Variants in GALNT3 observed in about 807,000 individuals in gnomAD.
GALNT3 encodes the protein polypeptide N-acetylgalactosaminyltransferase 3, also known as GalNAc transferase 3.
A neutral mutation model predicts 69.8 loss-of-function variants in GALNT3; 51 were observed. The observed-to-expected ratio is 0.73, with a 90% CI of 0.58 to 0.92. The LOEUF is 0.92. Ranked by LOEUF, GALNT3 falls within the 40% of genes least tolerant of loss-of-function variation. GALNT3 has a pLI of 0.00. For missense variants in GALNT3, 711 were observed against 760.0 expected (o/e 0.94, Z 0.76); for synonymous variants, 265 against 248.5 (o/e 1.07, Z -0.63).
At chr2:165,762,968 CTTTT>C (rs3032482) in intron 3 of GALNT3, among the ~76,000 whole-genome samples, 6 of 141,060 alleles carry the variant, frequency 4.3e-5, no homozygotes, top group Admixed American at 7.1e-5. Context: ...CTTTTCTTTT[CTTTT>C]TTTTTTTTTT....
In GALNT3 at chr2:165,747,844, G is replaced by A. The variant is rs886055009; in HGVS notation, c.*937C>T. ...GATTTTTTATTGTGTTTTCCACATAGATAAAAAAATAAGGCTTTTTGATGA... is the reference window on the plus strand; with the variant it reads ...GATTTTTTATTGTGTTTTCCACATAAATAAAAAAATAAGGCTTTTTGATGA... On this transcript the variant is annotated 3_prime_UTR_variant, in exon 11 of 11. Transcript: ENST00000392701. 1 of 170,318 alleles carries A rather than the reference G, an allele frequency of 5.9e-6. No homozygotes were observed. 10.6% of individuals were successfully genotyped at this position (170,318 alleles called of 1,614,324 possible). A position where few individuals can be genotyped will look rare whatever the true frequency, so the allele number is the denominator to read the frequency against.
chr2:165,767,573 A>G (rs1224208896), intron 2 of GALNT3, among the ~76,000 whole-genome samples: 1 of 152,236 alleles, frequency 6.6e-6, no homozygotes, highest in Non-Finnish European at 1.5e-5. Flanking sequence ...AAATTTCACA[A>G]TATAATTTCA....
intron 1 of GALNT3, chr2:165,771,484 T>C (rs1255930228): frequency 6.6e-6 from 1 of 152,214 alleles, no homozygotes; most frequent in Admixed American, 6.5e-5. Flanking sequence ...AGAGAATTCA[T>C]TAGCTTTACT....
At chr2:165,788,578 C>A (rs551262780) in intron 1 of GALNT3, among the ~76,000 whole-genome samples, 13 of 151,344 alleles carry the variant, frequency 8.6e-5, no homozygotes, top group Non-Finnish European at 1.6e-4. Context: ...CACAGGACAC[C>A]TCACCCTGCT....
In GALNT3 at chr2:165,754,690, T is replaced by A; in HGVS notation, c.1563A>T (p.Gly521=). ...ATGGTTTGCCTCCTTGATTGTTTTC[T>A]CCAACATCCAGACATAGAGGCTGAC... ...SVGQPLCLDV[G]ENNQGGKPLI... is the part of the protein sequence containing the mutation. The change falls in exon 9 of 11, where the codon GGA becomes GGT. Residue 521 remains glycine (G), a synonymous_variant. Coordinates refer to ENST00000392701, the MANE Select transcript of GALNT3 (RefSeq NM_004482.4). The A allele has an allele frequency of 6.2e-7, 1 of 1,613,628 alleles. No individual in the cohort carries two copies. The highest frequency in any genetic ancestry group is 8.5e-7 in the Non-Finnish European group (1 of 1,179,784).
chr2:165,748,892 T>C lies in GALNT3; in HGVS notation c.1791A>G (p.Leu597=). 6.2e-7 allele frequency: 1 copy of C among 1,609,968 alleles called. No individual in the cohort carries two copies. Among genetic ancestry groups the C allele is most frequent in the Non-Finnish European group, 8.5e-7 (1 of 1,177,260 alleles). The part of the protein sequence containing the change: ...QIWEIQKDQL[L]YNPFLKMCLS... ...GGCACATTTTTAAGAATGGATTGTA[T>C]AGAAGTTGATCCTAGAATAAAAGGA... The change falls in exon 11 of 11, where the codon CTA becomes CTG. Residue 597 remains leucine, a synonymous_variant. Transcript: ENST00000392701.
intron 1 of GALNT3, among the ~76,000 whole-genome samples, chr2:165,782,387 A>G (rs547340844): frequency 0.062 from 797 of 12,778 alleles, 7 homozygotes; most frequent in African/African-American, 0.11. Context: ...GAAAAAAAAG[A>G]ATTACAAAAA....
At chr2:165,787,309 C>T (rs1332799970) in intron 1 of GALNT3, among the ~76,000 whole-genome samples, 1 of 152,132 alleles carries the variant, frequency 6.6e-6, no homozygotes, top group African/African-American at 2.4e-5. Flanking sequence ...GCAGAAGGAA[C>T]AGAGCAATAT....
intron 1 of GALNT3, among the ~76,000 whole-genome samples, chr2:165,779,878 C>T (rs1683065885): frequency 6.6e-6 from 1 of 152,188 alleles, no homozygotes; most frequent in African/African-American, 2.4e-5. Flanking sequence ...TCACCATGCC[C>T]TTAAGCATTC....
intron 2 of GALNT3, among the ~76,000 whole-genome samples, chr2:165,768,327 C>T (rs1228162031): frequency 6.6e-6 from 1 of 152,124 alleles, no homozygotes; most frequent in Non-Finnish European, 1.5e-5. Flanking sequence ...GAAAAAAGCT[C>T]ATTTTGAGCT....
chr2:165,782,773 A>G (rs1683139788), intron 1 of GALNT3, among the ~76,000 whole-genome samples: 1 of 152,266 alleles, frequency 6.6e-6, no homozygotes, highest in South Asian at 2.1e-4. Flanking sequence ...TCTCTGGTAA[A>G]TGGCTACAGG....
At chr2:165,789,415 A>G (rs1010036790) in intron 1 of GALNT3, among the ~76,000 whole-genome samples, 1 of 152,164 alleles carries the variant, frequency 6.6e-6, no homozygotes, top group Non-Finnish European at 1.5e-5. Context: ...ATACCAATAC[A>G]TTGGATTTGA....
Position 165,749,882 on chromosome 2 carries a change from A to G in GALNT3, c.1639T>C (p.Ser547Pro), listed in dbSNP as rs1688326137. Residue 547 changes from serine (S) to proline (P), a missense_variant, in exon 10 of 11, where the codon TCT becomes CCT. Ser to Pro is a moderately conservative substitution (Grantham distance 74). Transcript: ENST00000392701. ...TTGTGCCGAATTTCATGTTGAGCAGAGTATTCAAAGTACTATGGAAGGAAT... is the reference window on the plus strand; with the variant it reads ...TTGTGCCGAATTTCATGTTGAGCAGGGTATTCAAAGTACTATGGAAGGAAT... ...GLGGNQYFEY[S>P]AQHEIRHNIQ... is the part of the protein sequence containing the mutation. The G allele has an allele frequency of 6.2e-7, 1 of 1,613,546 alleles. No individual in the cohort carries two copies. Among genetic ancestry groups the G allele is most frequent in the Non-Finnish European group, 8.5e-7 (1 of 1,179,542 alleles).
At chr2:165,768,228 A>G (rs182087877) in intron 2 of GALNT3, among the ~76,000 whole-genome samples, 292 of 152,280 alleles carry the variant, frequency 1.9e-3, no homozygotes, top group African/African-American at 6.8e-3. Flanking sequence ...TCCAACCAAA[A>G]AATGTTGTTA....
intron 1 of GALNT3, among the ~76,000 whole-genome samples, chr2:165,778,528 T>A (rs1398647708): frequency 5.9e-5 from 9 of 151,796 alleles, no homozygotes. Flanking sequence ...AATACAGGAG[T>A]TGTAAATACA....
chr2:165,762,552 G>C (rs980237909), intron 3 of GALNT3, among the ~76,000 whole-genome samples: 2 of 152,140 alleles, frequency 1.3e-5, no homozygotes, highest in Non-Finnish European at 2.9e-5. Context: ...GTTGAGCCAC[G>C]TCAGAAAGTC....
At position 165,759,404 on chromosome 2, in the gene GALNT3, A is replaced by C; in HGVS notation, c.1005T>G (p.Leu335=). The part of the protein sequence containing the change: ...NHNRGNFDWS[L]SFGWESLPDH... ...CAGGAAGCGACTCCCAGCCAAATGA[A>C]AGACTCCAGTCAAAATTTCCACGGT... Residue 335 remains leucine, a synonymous_variant, in exon 5 of 11, where the codon CTT becomes CTG. Transcript: ENST00000392701. 2.5e-6 allele frequency: 4 copies of C among 1,614,086 alleles called. No individual in the cohort carries two copies. Among genetic ancestry groups the C allele is most frequent in the Non-Finnish European group, 3.4e-6 (4 of 1,179,984 alleles).
At chr2:165,786,212 G>C (rs549140835) in intron 1 of GALNT3, among the ~76,000 whole-genome samples, 1 of 152,254 alleles carries the variant, frequency 6.6e-6, no homozygotes, top group South Asian at 2.1e-4. Flanking sequence ...AGCAGTATAA[G>C]CATATTATTT....
chr2:165,785,326 A>C lies in GALNT3; in HGVS notation c.-109+8689T>G, dbSNP rs140922908. ...AATATAGTTAAATGGGAACAAAAAA[A>C]GCAAGAATTATTTGTATTTTAAAAA... On this transcript the variant is annotated intron_variant, in intron 1 of 10. Transcript: ENST00000392701. Among the ~76,000 whole-genome samples the C allele has an allele frequency of 4.4e-3, 664 of 152,334 alleles. 5 individuals are homozygous for C. Among genetic ancestry groups the C allele is most frequent in the African/African-American group, 0.016 (648 of 41,568 alleles).
Sources: allele counts gnomAD v4.1 joint callset (sites outside exome capture counted in the v4.1 genomes callset), GRCh38; gene constraint gnomAD v4.1.1; transcripts MANE v1.5; gene names NCBI Gene and HGNC (gene_info 2026-07-23, HGNC 2026-07-21).